Variants in CXCL12 observed in about 807,000 individuals in gnomAD.
CXCL12 encodes stromal cell-derived factor 1.
In CXCL12, 4 loss-of-function variants were observed where a neutral mutation model predicts 10.7. The observed-to-expected ratio is 0.37, with a 90% CI of 0.18 to 0.86. The LOEUF (loss-of-function observed/expected upper bound fraction) is 0.86. Among genes scored for constraint, CXCL12 ranks in the 40% least tolerant of loss-of-function variants. The pLI is 0.43. For synonymous variants in CXCL12, 54 were observed against 45.4 expected, an observed-to-expected ratio of 1.19 and a Z score of -0.77; for missense variants, 122 against 110.4, an observed-to-expected ratio of 1.10 and a Z score of -0.47.
At chr10:44,373,331 C>A (rs1389544134), downstream of CXCL12, 1 of 1,608,148 alleles carries the variant, frequency 6.2e-7, no homozygotes, top group Non-Finnish European at 8.5e-7. Context: ...GACCCTCTCA[C>A]ATCTTGAACC....
chr10:44,376,036 A>G, downstream of CXCL12: 1 of 1,610,620 alleles, frequency 6.2e-7, no homozygotes. Context: ...GCGCCCCCTT[A>G]GATAAAATTA....
In CXCL12 at chr10:44,378,574, CACA is replaced by C; in HGVS notation, c.*56_*58del. Reference sequence around the variant, plus strand: ...CCCACGTCTTTGCCCTTTCATCTCTCACAAGGTTTTAGTTTTCCTCGAGTGGGT... The same window carrying C: ...CCCACGTCTTTGCCCTTTCATCTCTCAGGTTTTAGTTTTCCTCGAGTGGGT... On this transcript the variant is annotated 3_prime_UTR_variant, in exon 3 of 3. Transcript: ENST00000343575. 4 of 1,612,264 alleles carry C rather than the reference CACA, an allele frequency of 2.5e-6. No homozygotes were observed. The highest frequency in any genetic ancestry group is 3.4e-6 in the Non-Finnish European group (4 of 1,178,874).
chr10:44,375,493 G>T (rs1254388676), downstream of CXCL12, among the ~76,000 whole-genome samples: 1 of 138,412 alleles, frequency 7.2e-6, no homozygotes, highest in Non-Finnish European at 1.6e-5. Context: ...CTGCTAGCAG[G>T]TTGCCCTGCA....
chr10:44,372,735 T>C (rs889076956), downstream of CXCL12: 1 of 1,432,818 alleles, frequency 7.0e-7, no homozygotes, highest in African/African-American at 1.4e-5. Flanking sequence ...GAGGGCTGGG[T>C]CTCACTCTGC....
chr10:44,376,909 G>C (rs962452884), downstream of CXCL12, among the ~76,000 whole-genome samples: 1 of 132,560 alleles, frequency 7.5e-6, no homozygotes, highest in Non-Finnish European at 1.6e-5. Flanking sequence ...TATTTCAATC[G>C]GGTTAAAAAA....
In CXCL12 at chr10:44,378,160, AG is replaced by A; in HGVS notation, c.*472del. ...TGCGGGAGCCTCAGTGTCTGAAGAA[AG>A]GACACTTTTTCCAGCTCCCTGTTAA... On this transcript the variant is annotated 3_prime_UTR_variant, in exon 3 of 3. Coordinates refer to ENST00000343575, the MANE Select transcript of CXCL12 (RefSeq NM_199168.4). 7.0e-7 allele frequency: 1 copy of A among 1,426,978 alleles called. No individual in the cohort carries two copies. The highest frequency in any genetic ancestry group is 9.2e-7 in the Non-Finnish European group (1 of 1,090,534). The allele number at this position is 1,426,978 out of a possible 1,614,324, so 88.4% of individuals were successfully genotyped here.
chr10:44,377,182 T>G lies in CXCL12; in HGVS notation c.*1451A>C. On this transcript the variant is annotated 3_prime_UTR_variant, in exon 3 of 3. Transcript: ENST00000343575. ...TTGCTAGTGCATATAATGTCACATTTGATACAATTTTAGTACAAGTGAAAA... is the reference window on the plus strand; with the variant it reads ...TTGCTAGTGCATATAATGTCACATTGGATACAATTTTAGTACAAGTGAAAA... 1.0e-6 allele frequency: 1 copy of G among 986,928 alleles called. No homozygotes were observed. The highest frequency in any genetic ancestry group is 1.2e-6 in the Non-Finnish European group (1 of 830,986). The allele number at this position is 986,928 out of a possible 1,614,324, so 61.1% of individuals were successfully genotyped here. A position where few individuals can be genotyped will look rare whatever the true frequency, so the allele number is the denominator to read the frequency against.
chr10:44,379,119 T>A (rs2839693), intron 2 of CXCL12, among the ~76,000 whole-genome samples: 2 of 151,910 alleles, frequency 1.3e-5, no homozygotes, highest in African/African-American at 4.8e-5. Context: ...ATGCTCTAGG[T>A]ACCTGGGGAG....
At chr10:44,376,186 T>C (rs1839444511), downstream of CXCL12, among the ~76,000 whole-genome samples, 1 of 152,210 alleles carries the variant, frequency 6.6e-6, no homozygotes, top group Non-Finnish European at 1.5e-5. Context: ...TTATCAGTAA[T>C]TCATTAAAAT....
chr10:44,384,876 C>T (rs1287658147), intron 1 of CXCL12, 69 bp downstream of exon 1: 13 of 1,455,764 alleles, frequency 8.9e-6, no homozygotes, highest in Non-Finnish European at 1.2e-5. Context: ...GCAGAGGAGC[C>T]GCGGCTCTGC....
downstream of CXCL12, chr10:44,374,615 G>A (rs759032361): frequency 2.2e-5 from 10 of 456,018 alleles, no homozygotes; most frequent in Admixed American, 7.0e-5. Context: ...CCTCCCCAAC[G>A]AGGAGAAGGC....
At chr10:44,371,116 A>C (rs561602609), downstream of CXCL12, 154 of 211,484 alleles carry the variant, frequency 7.3e-4, 2 homozygotes, top group Non-Finnish European at 2.9e-4. Flanking sequence ...TTTCCCTTGC[A>C]AATGGAAGAC....
downstream of CXCL12, among the ~76,000 whole-genome samples, chr10:44,375,327 G>A (rs898676095): frequency 2.6e-5 from 4 of 152,244 alleles, no homozygotes; most frequent in African/African-American, 9.6e-5. Flanking sequence ...CCAGGAAGGA[G>A]GGGCTGAAGA....
chr10:44,384,778 G>A (rs918703756), intron 1 of CXCL12, among the ~76,000 whole-genome samples, 167 bp downstream of exon 1: 2 of 152,212 alleles, frequency 1.3e-5, no homozygotes, highest in Non-Finnish European at 2.9e-5. Flanking sequence ...CAAAAGTAGG[G>A]CTTTGAACGC....
In CXCL12 at chr10:44,378,674, T is replaced by G; in HGVS notation, c.229A>C (p.Lys77Gln). 6.2e-7 allele frequency: 1 copy of G among 1,614,218 alleles called. No homozygotes were observed. The highest frequency in any genetic ancestry group is 8.5e-7 in the Non-Finnish European group (1 of 1,180,050). The change falls in exon 3 of 3, where the codon AAG becomes CAG. Residue 77 changes from lysine to glutamine, a missense_variant. Transcript: ENST00000343575. ...TTCTCCAGGTACTCCTGAATCCACT[T>G]TAGCTTCGGGTCAATGCACACTTGT... ...NRQVCIDPKL[K>Q]WIQEYLEKAL... is the part of the protein sequence containing the mutation.
At chr10:44,381,968 T>C (rs1037759530) in intron 1 of CXCL12, among the ~76,000 whole-genome samples, 10 of 152,090 alleles carry the variant, frequency 6.6e-5, no homozygotes, top group African/African-American at 2.4e-4. Context: ...GCTGGGGAAG[T>C]AGGAGGAAAT....
At position 44,377,816 on chromosome 10, in the gene CXCL12, C is replaced by G; in HGVS notation, c.*817G>C. 6.3e-7 allele frequency: 1 copy of G among 1,597,202 alleles called. No homozygotes were observed. The highest frequency in any genetic ancestry group is 2.2e-5 in the East Asian group (1 of 44,842). On this transcript the variant is annotated 3_prime_UTR_variant, in exon 3 of 3. Coordinates refer to ENST00000343575, the MANE Select transcript of CXCL12 (RefSeq NM_199168.4). ...CCAAAGACGGATCTCACAGAGGGCC[C>G]GAGCTGTGGGGCAGGCCCTGGGAGG...
At chr10:44,374,529 G>A (rs1372796903), downstream of CXCL12, 15 of 455,982 alleles carry the variant, frequency 3.3e-5, no homozygotes, top group South Asian at 1.7e-4. Context: ...CAAGAGGAAC[G>A]TGGGCCAGGA....
intron 1 of CXCL12, among the ~76,000 whole-genome samples, chr10:44,383,622 G>GT (rs1839705229): frequency 8.0e-6 from 1 of 124,552 alleles, no homozygotes; most frequent in Non-Finnish European, 1.7e-5. Context: ...GGGGGGGGGG[G>GT]GGTCAGTGTG....
Sources: gnomAD v4.1 joint callset for allele counts (sites outside exome capture counted in the v4.1 genomes callset) on GRCh38, gnomAD v4.1.1 for gene constraint, MANE v1.5 for transcripts, NCBI Gene and HGNC (gene_info 2026-07-23, HGNC 2026-07-21) for gene names.